MOB3A: variants seen among roughly 807,000 people sequenced by gnomAD.
The protein encoded by MOB3A is MOB LAK.
MOB3A carries 17 observed loss-of-function variants against 17.8 expected under a neutral mutation model. The observed-to-expected ratio is 0.95, with a 90% CI of 0.65 to 1.43. MOB3A has a LOEUF of 1.43. Ranked by LOEUF, MOB3A falls within the 40% of genes most tolerant of loss-of-function variation. MOB3A has a pLI of 0.00. For missense variants in MOB3A, 333 were observed against 310.8 expected, an observed-to-expected ratio of 1.07 and a Z score of -0.54; for synonymous variants, 124 against 133.2, an observed-to-expected ratio of 0.93 and a Z score of 0.48.
At chr19:2,087,930 C>T (rs1278032134) in intron 1 of MOB3A, among the ~76,000 whole-genome samples, 1 of 152,222 alleles carries the variant, frequency 6.6e-6, no homozygotes, top group African/African-American at 2.4e-5. Context: ...TCCTGGATGG[C>T]TTCAGTCTGA....
intron 2 of MOB3A, among the ~76,000 whole-genome samples, chr19:2,079,142 C>T (rs757663510): frequency 1.3e-5 from 2 of 152,252 alleles, no homozygotes; most frequent in South Asian, 2.1e-4. Flanking sequence ...GAGAACTGCG[C>T]GTGGCGAGGC....
intron 4 of MOB3A, among the ~76,000 whole-genome samples, chr19:2,075,928 G>A (rs1288899334): frequency 6.6e-6 from 1 of 152,044 alleles, no homozygotes; most frequent in African/African-American, 2.4e-5. Context: ...TTTGAGACCA[G>A]CCTGGCCAAC....
At position 2,082,027 on chromosome 19, in the gene MOB3A, G is replaced by A. The variant is rs2017496537; in HGVS notation, c.-120+3148C>T. On this transcript the variant is annotated intron_variant, in intron 2 of 4. Coordinates refer to ENST00000357066, the MANE Select transcript of MOB3A (RefSeq NM_130807.3). The surrounding 1 kb of genome is among the most constrained non-coding windows in gnomAD (Gnocchi z 4.1). ...TGGGGGACACTGCTCAGGGCAGCCT[G>A]GGCACAGGTGGCAGGAGGACTTGAG... Among the ~76,000 whole-genome samples, 3 of 152,210 alleles carry A rather than the reference G, an allele frequency of 2.0e-5. No individual in the cohort carries two copies. Among genetic ancestry groups the A allele is most frequent in the African/African-American group, 7.2e-5 (3 of 41,466 alleles).
intron 4 of MOB3A, among the ~76,000 whole-genome samples, chr19:2,074,328 A>C (rs895504303): frequency 8.5e-5 from 13 of 152,110 alleles, no homozygotes; most frequent in African/African-American, 3.1e-4. Context: ...CAGTTTGCTG[A>C]TCCCTGTCTT....
chr19:2,077,246 A>G (rs761710427), intron 3 of MOB3A, among the ~76,000 whole-genome samples: 1 of 152,070 alleles, frequency 6.6e-6, no homozygotes, highest in Non-Finnish European at 1.5e-5. Context: ...ACTAAAAAAT[A>G]CAAATATTAG....
At chr19:2,076,706 C>T in intron 4 of MOB3A, 105 bp downstream of exon 4, 2 of 1,213,484 alleles carry the variant, frequency 1.6e-6, no homozygotes, top group Non-Finnish European at 1.2e-6. Flanking sequence ...CCGCCAGCTG[C>T]TGGGCCGACC....
At chr19:2,077,126 C>T (rs62128368) in intron 3 of MOB3A, 113 bp from the exon 4 acceptor site, 41,307 of 926,116 alleles carry the variant, frequency 0.045, 1,106 homozygotes, top group African/African-American at 0.078. Context: ...GCAGATCGGG[C>T]GCGGTGGCTG....
chr19:2,089,598 A>G (rs2017590265), intron 1 of MOB3A, among the ~76,000 whole-genome samples: 1 of 151,790 alleles, frequency 6.6e-6, no homozygotes, highest in African/African-American at 2.4e-5. Context: ...GACCCCCAAG[A>G]GACTCCGTGG....
intron 1 of MOB3A, among the ~76,000 whole-genome samples, chr19:2,090,666 C>T (rs938874237): frequency 2.0e-5 from 3 of 152,116 alleles, no homozygotes; most frequent in East Asian, 3.9e-4. Context: ...GATACAAATA[C>T]GTTATTTTTT....
intron 4 of MOB3A, among the ~76,000 whole-genome samples, chr19:2,075,566 C>T (rs1028710413): frequency 6.6e-5 from 10 of 152,174 alleles, no homozygotes; most frequent in African/African-American, 2.4e-4. Flanking sequence ...CACATCCATA[C>T]AGCGCCCAGC....
chr19:2,085,358 T>G (rs530817769), intron 1 of MOB3A, 30 bp from the exon 2 acceptor site: 2 of 148,586 alleles, frequency 1.3e-5, no homozygotes, highest in African/African-American at 5.0e-5. Context: ...AATGACAAAT[T>G]CCCCTGCTGC....
Position 2,073,518 on chromosome 19 carries a change from C to A in MOB3A, c.625-94G>T. The A allele has an allele frequency of 1.9e-6, 3 of 1,554,620 alleles. No homozygotes were observed. The Admixed American group carries it at 5.0e-5, about 26-fold the overall frequency. Reference sequence around the variant, plus strand: ...ACACGGAGACGCACAGGCAGAGAAACGGCAGCTGGGGGCTTCCCTGAACAC... The same window carrying A: ...ACACGGAGACGCACAGGCAGAGAAAAGGCAGCTGGGGGCTTCCCTGAACAC... On this transcript the variant is annotated intron_variant, in intron 4 of 4. Transcript: ENST00000357066.
intron 4 of MOB3A, among the ~76,000 whole-genome samples, chr19:2,075,580 C>T (rs1326504872): frequency 6.6e-6 from 1 of 152,206 alleles, no homozygotes; most frequent in Non-Finnish European, 1.5e-5. Context: ...GCCCAGCAGC[C>T]TGGGGAACAA....
At chr19:2,092,159 G>A (rs140723608) in intron 1 of MOB3A, among the ~76,000 whole-genome samples, 1,775 of 147,604 alleles carry the variant, frequency 0.012, 50 homozygotes, top group African/African-American at 0.042. Flanking sequence ...GGAGTGCAGT[G>A]GTGCAATCAC....
intron 4 of MOB3A, among the ~76,000 whole-genome samples, chr19:2,074,361 G>A (rs1463722520): frequency 6.6e-6 from 1 of 151,324 alleles, no homozygotes; most frequent in Admixed American, 6.6e-5. Flanking sequence ...ACACTAGAAG[G>A]AAAGTTCTGG....
intron 1 of MOB3A, among the ~76,000 whole-genome samples, chr19:2,089,214 T>G (rs2017586089): frequency 6.6e-6 from 1 of 152,166 alleles, no homozygotes; most frequent in East Asian, 1.9e-4. Context: ...GTGAAACTCA[T>G]CATTTCCTGG....
At position 2,073,399 on chromosome 19, in the gene MOB3A, T is replaced by C. The variant is rs1240035843; in HGVS notation, c.650A>G (p.His217Arg). The C allele has an allele frequency of 6.2e-7, 1 of 1,613,512 alleles. No homozygotes were observed. The highest frequency in any genetic ancestry group is 8.5e-7 in the Non-Finnish European group (1 of 1,179,988). ...PLKEMTARMC[H>R] is the part of the protein sequence containing the mutation. ...ACCGGGAGACCCGCGGGGCTCTCAGTGGCACATCCGGGCGGTCATTTCTTT... is the reference window on the plus strand; with the variant it reads ...ACCGGGAGACCCGCGGGGCTCTCAGCGGCACATCCGGGCGGTCATTTCTTT... Residue 217 changes from histidine (H) to arginine (R), a missense_variant, in exon 5 of 5, where the codon CAC (histidine) becomes CGC (arginine). Coordinates refer to ENST00000357066, the MANE Select transcript of MOB3A (RefSeq NM_130807.3).
At chr19:2,080,841 G>A (rs1053577915) in intron 2 of MOB3A, among the ~76,000 whole-genome samples, 3 of 152,152 alleles carry the variant, frequency 2.0e-5, no homozygotes, top group Admixed American at 6.6e-5. Context: ...GGATCCTGCA[G>A]GGCTAAATTT....
At chr19:2,085,890 G>A (rs2017547319) in intron 1 of MOB3A, among the ~76,000 whole-genome samples, 1 of 147,976 alleles carries the variant, frequency 6.8e-6, no homozygotes, top group Non-Finnish European at 1.5e-5. Flanking sequence ...CCTGAACCCG[G>A]GAGGCAGAGC....
Sources: allele counts gnomAD v4.1 joint callset (sites outside exome capture counted in the v4.1 genomes callset), GRCh38; gene constraint gnomAD v4.1.1; non-coding constraint Gnocchi (gnomAD v3.1); transcripts MANE v1.5; gene names NCBI Gene and HGNC (gene_info 2026-07-23, HGNC 2026-07-21).